LEF1: variants seen among roughly 807,000 people sequenced by gnomAD.
The protein encoded by LEF1 is lymphoid enhancer binding factor 1, also known as lymphoid enhancer-binding factor 1.
In LEF1, 14 loss-of-function variants were observed where a neutral mutation model predicts 51.2. The observed-to-expected ratio is 0.27, with a 90% CI of 0.18 to 0.43. The LOEUF is 0.43. LEF1 is among the 20% of genes least tolerant of loss of function. LEF1 has a pLI of 1.00. For synonymous variants in LEF1, 185 were observed against 183.2 expected, an observed-to-expected ratio of 1.01 and a Z score of -0.08; for missense variants, 386 against 512.0, an observed-to-expected ratio of 0.75 and a Z score of 2.37.
At chr4:108,065,410 G>C (rs1055210551) in intron 9 of LEF1, among the ~76,000 whole-genome samples, 1 of 152,208 alleles carries the variant, frequency 6.6e-6, no homozygotes, top group South Asian at 2.1e-4. Context: ...ACTTGAACCC[G>C]GAGGCAGAGG....
chr4:108,151,862 G>A (rs965340395), intron 3 of LEF1, among the ~76,000 whole-genome samples: 2 of 152,108 alleles, frequency 1.3e-5, no homozygotes, highest in South Asian at 2.1e-4. Flanking sequence ...ATTTAAATAC[G>A]GATTGATACC....
intron 9 of LEF1, among the ~76,000 whole-genome samples, chr4:108,067,382 A>G (rs1738147148): frequency 6.6e-6 from 1 of 152,262 alleles, no homozygotes; most frequent in Non-Finnish European, 1.5e-5. Context: ...TTACTTAAGA[A>G]TTAGAAAAAC....
At chr4:108,085,052 G>A (rs2126293369) in intron 4 of LEF1, among the ~76,000 whole-genome samples, 1 of 152,184 alleles carries the variant, frequency 6.6e-6, no homozygotes, top group African/African-American at 2.4e-5. Context: ...GAAAATCGTA[G>A]CGGTCACAGA....
At chr4:108,051,305 C>T (rs2126252381) in intron 11 of LEF1, among the ~76,000 whole-genome samples, 1 of 152,010 alleles carries the variant, frequency 6.6e-6, no homozygotes, top group Non-Finnish European at 1.5e-5. Context: ...TGAAATGAGG[C>T]AGTTTGTCCC....
intron 3 of LEF1, among the ~76,000 whole-genome samples, chr4:108,130,464 A>G (rs114497955): frequency 0.013 from 1,930 of 152,086 alleles, 17 homozygotes; most frequent in African/African-American, 0.02. Flanking sequence ...TCATGCCTGC[A>G]ATCCTAGCAC....
At chr4:108,109,302 T>C (rs1471570628) in intron 3 of LEF1, among the ~76,000 whole-genome samples, 1 of 152,322 alleles carries the variant, frequency 6.6e-6, no homozygotes, top group Non-Finnish European at 1.5e-5. Context: ...CTAAACGCTG[T>C]TGACTTGCTG....
intron 3 of LEF1, among the ~76,000 whole-genome samples, chr4:108,114,499 C>A (rs1275573603): frequency 1.3e-5 from 2 of 152,120 alleles, no homozygotes; most frequent in South Asian, 2.1e-4. Context: ...AAGAAAAGGT[C>A]AAAATGAGGA....
chr4:108,063,748 AC>A, intron 10 of LEF1, 85 bp from the exon 11 acceptor site: 1 of 895,032 alleles, frequency 1.1e-6, no homozygotes, highest in Admixed American at 2.5e-5. Flanking sequence ...TATCATGTGA[AC>A]TTGTTTGCTT....
chr4:108,048,691 A>G lies in LEF1; in HGVS notation c.*67T>C. 1.2e-6 allele frequency: 2 copies of G among 1,608,358 alleles called. No homozygotes were observed. Among genetic ancestry groups the G allele is most frequent in the Non-Finnish European group, 1.7e-6 (2 of 1,177,006 alleles). ...GGGTTTTCAACAAGCTTCCATCTCC[A>G]GAAGAGGTCCTGGGGTCGCTGCCTT... On this transcript the variant is annotated 3_prime_UTR_variant, in exon 12 of 12. Coordinates refer to ENST00000265165, the MANE Select transcript of LEF1 (RefSeq NM_016269.5).
intron 9 of LEF1, among the ~76,000 whole-genome samples, chr4:108,067,323 A>G (rs969274548): frequency 6.6e-6 from 1 of 152,218 alleles, no homozygotes; most frequent in Non-Finnish European, 1.5e-5. Flanking sequence ...AGAGAAAGAG[A>G]TAGAATATGT....
At chr4:108,123,432 GTTTTTTTTT>G (rs34015287) in intron 3 of LEF1, among the ~76,000 whole-genome samples, 2 of 72,382 alleles carry the variant, frequency 2.8e-5, no homozygotes, top group East Asian at 3.8e-4. Flanking sequence ...GCTAGGGTTG[GTTTTTTTTT>G]TTTTTTTTTT....
In LEF1 at chr4:108,167,926, G is replaced by A. The variant is rs1238827852; in HGVS notation, c.-159C>T. 9.2e-6 allele frequency: 4 copies of A among 434,552 alleles called. No individual in the cohort carries two copies. Among genetic ancestry groups the A allele is most frequent in the South Asian group, 1.2e-4 (1 of 8,188 alleles). The allele number at this position is 434,552 out of a possible 1,614,324, so 26.9% of individuals were successfully genotyped here. A position where few individuals can be genotyped will look rare whatever the true frequency, so the allele number is the denominator to read the frequency against. On this transcript the variant is annotated 5_prime_UTR_variant, in exon 1 of 12. Transcript: ENST00000265165. The surrounding 1 kb of genome is among the most constrained non-coding windows in gnomAD (Gnocchi z 5.7). ...GGGGCGGGCGAGCGCGGGGCCGCCG[G>A]CCGGCAGCCGGAGCAGCTGCCGCGG...
At chr4:108,148,198 A>G (rs1744114465) in intron 3 of LEF1, among the ~76,000 whole-genome samples, 1 of 152,142 alleles carries the variant, frequency 6.6e-6, no homozygotes, top group Admixed American at 6.5e-5. Context: ...TTCATTTCAA[A>G]TGCTCTATAA....
At chr4:108,060,087 G>GA (rs1737572789) in intron 11 of LEF1, among the ~76,000 whole-genome samples, 1 of 152,112 alleles carries the variant, frequency 6.6e-6, no homozygotes, top group Non-Finnish European at 1.5e-5. Flanking sequence ...TACATTAGTG[G>GA]AAAATCAAAC....
intron 3 of LEF1, among the ~76,000 whole-genome samples, chr4:108,102,741 C>T (rs1740911305): frequency 6.6e-6 from 1 of 152,090 alleles, no homozygotes; most frequent in South Asian, 2.1e-4. Context: ...GATTCTAAGT[C>T]TCCAGTAAGT....
chr4:108,056,237 TGAGA>T (rs1241287238), intron 11 of LEF1, among the ~76,000 whole-genome samples: 1 of 152,008 alleles, frequency 6.6e-6, no homozygotes, highest in Non-Finnish European at 1.5e-5. Context: ...CTCAGAGAAC[TGAGA>T]GAGTCAATCT....
chr4:108,063,614 C>A lies in LEF1; in HGVS notation c.*6+9G>T. On this transcript the variant is annotated intron_variant, in intron 11 of 11. Coordinates refer to ENST00000265165, the MANE Select transcript of LEF1 (RefSeq NM_016269.5). ...AACGTCAGCAGTAGGACCAGAGAGT[C>A]GTTCTTACCATGTTTCAGATGTAGG... is the stretch of plus-strand genomic sequence containing the variant. The A allele has an allele frequency of 1.3e-6, 2 of 1,590,240 alleles. No homozygotes were observed. Among genetic ancestry groups the A allele is most frequent in the South Asian group, 1.2e-5 (1 of 86,302 alleles).
chr4:108,130,707 G>A (rs537577356), intron 3 of LEF1, among the ~76,000 whole-genome samples: 1 of 150,124 alleles, frequency 6.7e-6, no homozygotes, highest in African/African-American at 2.5e-5. Flanking sequence ...TCCAGCCTGG[G>A]CAACAAAGTG....
chr4:108,075,779 T>C lies in LEF1; in HGVS notation c.1008+2441A>G, dbSNP rs543380347. ...TAGTTGTAGCCTGCTGCCTGGTACA[T>C]AACAGGGGCTCAGAAAAATATCATA... On this transcript the variant is annotated intron_variant, in intron 8 of 11. Coordinates refer to ENST00000265165, the MANE Select transcript of LEF1 (RefSeq NM_016269.5). 4.6e-5 allele frequency among the ~76,000 whole-genome samples: 7 copies of C among 152,260 alleles called. No individual in the cohort carries two copies. In the South Asian group the frequency reaches 1.2e-3, roughly 27 times the overall value.
Sources: gnomAD v4.1 joint callset for allele counts (sites outside exome capture counted in the v4.1 genomes callset) on GRCh38, gnomAD v4.1.1 for gene constraint, Gnocchi (gnomAD v3.1) non-coding constraint, MANE v1.5 for transcripts, NCBI Gene and HGNC (gene_info 2026-07-23, HGNC 2026-07-21) for gene names.